Variants in KLHL13 observed in about 807,000 individuals in gnomAD.
KLHL13 encodes the protein kelch-like protein 13.
A neutral mutation model predicts 37.1 loss-of-function variants in KLHL13; 10 were observed. The observed-to-expected ratio is 0.27, with a 90% CI of 0.17 to 0.46. The LOEUF (loss-of-function observed/expected upper bound fraction) is 0.46. Ranked by LOEUF, KLHL13 falls within the 20% of genes least tolerant of loss-of-function variation. KLHL13 has a pLI of 1.00. For missense variants in KLHL13, 360 were observed against 509.3 expected (o/e 0.71, Z 2.82); for synonymous variants, 163 against 181.2 (o/e 0.90, Z 0.81).
intron 1 of KLHL13, among the ~76,000 whole-genome samples, chrX:118,059,761 G>A (rs1210752211): frequency 9.0e-6 from 1 of 110,626 alleles, no homozygotes; most frequent in African/African-American, 3.3e-5. Context: ...TCCCTCTCTG[G>A]GCTACACTGA....
In KLHL13 at chrX:118,072,171, C is replaced by T. The variant is rs1230066551; in HGVS notation, c.-56+44337G>A. ...AACACAACAGAGCCCTCAGAAATAA[C>T]GCCGCATATCTACAACTATGTGATC... On this transcript the variant is annotated intron_variant, in intron 1 of 6. Coordinates refer to the KLHL13 transcript ENST00000371882. 2.9e-3 allele frequency among the ~76,000 whole-genome samples: 315 copies of T among 109,788 alleles called. 1 individual carries two copies. Among genetic ancestry groups the T allele is most frequent in the Non-Finnish European group, 4.6e-3 (244 of 52,535 alleles).
chrX:118,071,328 C>A (rs1341489450), intron 1 of KLHL13, among the ~76,000 whole-genome samples: 1 of 111,392 alleles, frequency 9.0e-6, no homozygotes, highest in East Asian at 2.8e-4. Context: ...TGAGGAATCG[C>A]CACACTGACT....
chrX:118,011,329 C>T (rs1235915859), intron 1 of KLHL13, among the ~76,000 whole-genome samples: 1 of 108,978 alleles, frequency 9.2e-6, no homozygotes, highest in Admixed American at 1.0e-4. Context: ...TAGACAGGAG[C>T]CATATAAGAG....
At chrX:117,920,803 G>A (rs1214570893) in intron 2 of KLHL13, among the ~76,000 whole-genome samples, 1 of 111,176 alleles carries the variant, frequency 9.0e-6, no homozygotes, top group African/African-American at 3.3e-5. Context: ...TGTTTTGGGG[G>A]AGGTTGAGAA....
chrX:117,942,258 A>T (rs1274161223), intron 2 of KLHL13, among the ~76,000 whole-genome samples: 3 of 111,763 alleles, frequency 2.7e-5, no homozygotes, highest in African/African-American at 9.8e-5. Flanking sequence ...TTATGTGGTC[A>T]GTTTTACAAT....
At chrX:118,011,681 C>A (rs997373309) in intron 1 of KLHL13, among the ~76,000 whole-genome samples, 2 of 111,028 alleles carry the variant, frequency 1.8e-5, no homozygotes, top group African/African-American at 6.6e-5. Context: ...CTGAGTCAGA[C>A]ACCTGAGTGA....
At chrX:117,968,892 T>C (rs1186372623) in intron 1 of KLHL13, among the ~76,000 whole-genome samples, 2 of 111,719 alleles carry the variant, frequency 1.8e-5, no homozygotes, top group South Asian at 3.7e-4. Flanking sequence ...ACAAGGAGCA[T>C]TTATACAATA....
chrX:118,071,025 C>T (rs1211067047), intron 1 of KLHL13, among the ~76,000 whole-genome samples: 3 of 109,440 alleles, frequency 2.7e-5, no homozygotes, highest in African/African-American at 6.7e-5. Context: ...TTTCTTCTTG[C>T]GATAGTTTAC....
intron 1 of KLHL13, among the ~76,000 whole-genome samples, chrX:117,956,228 T>C (rs920889595): frequency 9.4e-4 from 105 of 112,194 alleles, no homozygotes; most frequent in African/African-American, 3.2e-3. Context: ...GTGTCACAAC[T>C]ATACATCATT....
At chrX:117,986,774 C>T (rs2053731318) in intron 1 of KLHL13, among the ~76,000 whole-genome samples, 1 of 111,905 alleles carries the variant, frequency 8.9e-6, no homozygotes, top group African/African-American at 3.2e-5. Flanking sequence ...TAATTTGAGT[C>T]TATGGTTTTA....
chrX:117,951,775 T>C (rs1296302326), intron 1 of KLHL13, among the ~76,000 whole-genome samples: 1 of 112,462 alleles, frequency 8.9e-6, no homozygotes, highest in Non-Finnish European at 1.9e-5. Context: ...GCACCTGCTG[T>C]GTACTAAGCA....
chrX:118,072,341 A>C (rs2054878980), intron 1 of KLHL13, among the ~76,000 whole-genome samples: 1 of 113,468 alleles, frequency 8.8e-6, no homozygotes, highest in Admixed American at 9.3e-5. Flanking sequence ...AAGATGGATT[A>C]AAAACTTAAA....
chrX:117,964,425 T>C lies in KLHL13; in HGVS notation c.98+8306A>G, dbSNP rs183317401. Among the ~76,000 whole-genome samples the C allele has an allele frequency of 1.5e-3, 166 of 111,988 alleles. 2 individuals carry two copies. The highest frequency in any genetic ancestry group is 5.2e-3 in the African/African-American group (162 of 30,879). ...AGGAGAATAAATTAAGCTATTTAATTGCTTATGAATGAAGATAGTATGGAA... is the reference window on the plus strand; with the variant it reads ...AGGAGAATAAATTAAGCTATTTAATCGCTTATGAATGAAGATAGTATGGAA... On this transcript the variant is annotated intron_variant, in intron 1 of 6. Coordinates refer to ENST00000262820, the Ensembl canonical transcript of KLHL13.
chrX:117,986,080 G>C (rs1271787437), intron 1 of KLHL13, among the ~76,000 whole-genome samples: 2 of 111,567 alleles, frequency 1.8e-5, no homozygotes, highest in African/African-American at 6.5e-5. Flanking sequence ...AGGTGAACCA[G>C]ACACAATCCC....
intron 2 of KLHL13, among the ~76,000 whole-genome samples, chrX:117,930,270 A>C (rs868712278): frequency 0.039 from 3,447 of 89,230 alleles, 90 homozygotes; most frequent in Middle Eastern, 0.079. Flanking sequence ...GGAAGGAAGG[A>C]AGGAAGGAAG....
rs1474985955 is a variant in KLHL13 at position 117,926,813 on chromosome X, T to C, written c.241-6443A>G. On this transcript the variant is annotated intron_variant, in intron 2 of 6. Coordinates refer to ENST00000262820, the Ensembl canonical transcript of KLHL13. ...TTCCCAGTCTACCCCGACCTGGACT[T>C]AGGGCATCACGTAAGCTGGAAACAG... Among the ~76,000 whole-genome samples, 6 of 105,193 alleles carry C rather than the reference T, an allele frequency of 5.7e-5. No individual in the cohort carries two copies. The Admixed American group carries it at 6.1e-4, about 11-fold the overall frequency. 91.3% of individuals were successfully genotyped at this position (105,193 alleles called of 115,157 possible).
intron 1 of KLHL13, among the ~76,000 whole-genome samples, chrX:117,965,011 A>G (rs188584160): frequency 9.0e-5 from 10 of 111,630 alleles, no homozygotes; most frequent in Non-Finnish European, 1.7e-4. Context: ...GGTTGGTTTC[A>G]AGTCTTTGCT....
intron 1 of KLHL13, among the ~76,000 whole-genome samples, chrX:117,951,522 T>C (rs1466752459): frequency 9.0e-6 from 1 of 111,651 alleles, no homozygotes; most frequent in Non-Finnish European, 1.9e-5. Flanking sequence ...TATTTGTAGT[T>C]TTTTTAATGA....
intron 4 of KLHL13, among the ~76,000 whole-genome samples, chrX:117,919,223 C>T (rs1366354619): frequency 8.9e-6 from 1 of 112,102 alleles, no homozygotes; most frequent in East Asian, 2.8e-4. Flanking sequence ...GGGCTTTCTC[C>T]ATGTTGGTCA....
Sources: gnomAD v4.1 joint callset for allele counts (sites outside exome capture counted in the v4.1 genomes callset) on GRCh38, gnomAD v4.1.1 for gene constraint, MANE v1.5 for transcripts, NCBI Gene and HGNC (gene_info 2026-07-23, HGNC 2026-07-21) for gene names.